NTAN1: variants seen among roughly 807,000 people sequenced by gnomAD.
NTAN1 encodes N-terminal asparagine amidase.
A neutral mutation model predicts 41.9 loss-of-function variants in NTAN1; 32 were observed. The observed-to-expected ratio is 0.76, with a 90% CI of 0.58 to 1.03. The LOEUF is 1.03. NTAN1 is among the 50% of genes least tolerant of loss of function. The pLI is 0.00. For synonymous variants in NTAN1, 140 were observed against 139.5 expected (o/e 1.00, Z -0.03); for missense variants, 377 against 377.5 (o/e 1.00, Z 0.01).
In NTAN1 at chr16:15,056,016, C is replaced by A. The variant is rs902013703; in HGVS notation, c.-45G>T. The A allele has an allele frequency of 1.0e-5, 11 of 1,059,990 alleles. No individual in the cohort carries two copies. Among genetic ancestry groups the A allele is most frequent in the Non-Finnish European group, 1.3e-5 (11 of 847,696 alleles). 65.7% of individuals were successfully genotyped at this position (1,059,990 alleles called of 1,614,324 possible). On this transcript the variant is annotated 5_prime_UTR_variant, in exon 1 of 10. Transcript: ENST00000287706. ...GCAGGCCCAGGGAGGCGGCGGCCCC[C>A]CGCTTTGCAGCCCCGGGCCGCCCGC... is the stretch of plus-strand genomic sequence containing the variant.
intron 1 of NTAN1, among the ~76,000 whole-genome samples, chr16:15,050,992 A>G (rs952782540): frequency 4.6e-5 from 7 of 152,178 alleles, no homozygotes; most frequent in African/African-American, 1.7e-4. Flanking sequence ...AAAACTCAGA[A>G]CACCTGTACA....
intron 3 of NTAN1, 48 bp from the exon 4 acceptor site, chr16:15,047,598 C>T (rs1370174732): frequency 1.5e-6 from 2 of 1,356,306 alleles, no homozygotes; most frequent in Non-Finnish European, 2.1e-6. Flanking sequence ...GATGCGAGTG[C>T]AGTGCGCAGG....
At chr16:15,040,267 G>A (rs970167045) in intron 7 of NTAN1, 53 of 436,636 alleles carry the variant, frequency 1.2e-4, no homozygotes, top group African/African-American at 1.0e-3. Flanking sequence ...GCTGAGGCTC[G>A]AGCTGGACTC....
At chr16:15,046,814 G>A (rs1017497856) in intron 4 of NTAN1, among the ~76,000 whole-genome samples, 5 of 151,256 alleles carry the variant, frequency 3.3e-5, no homozygotes, top group African/African-American at 9.7e-5. Flanking sequence ...AGTCAAGGCT[G>A]CAGTAAGCTG....
At chr16:15,040,993 C>T (rs112741639) in intron 7 of NTAN1, 75 bp downstream of exon 7, 9 of 982,950 alleles carry the variant, frequency 9.2e-6, no homozygotes, top group South Asian at 2.6e-5. Context: ...GCAGTGGGGT[C>T]ATTGGTTTGC....
intron 3 of NTAN1, 93 bp from the exon 4 acceptor site, chr16:15,047,643 CT>C: frequency 9.8e-7 from 1 of 1,015,844 alleles, no homozygotes; most frequent in South Asian, 1.3e-5. Flanking sequence ...ACCGCCTCAT[CT>C]TTGAATATCC....
intron 1 of NTAN1, among the ~76,000 whole-genome samples, chr16:15,052,910 C>CAAA (rs1392801021): frequency 1.3e-5 from 2 of 152,066 alleles, no homozygotes; most frequent in African/African-American, 4.8e-5. Context: ...AACCGTATTA[C>CAAA]CCAAGATGTT....
intron 1 of NTAN1, among the ~76,000 whole-genome samples, chr16:15,050,209 T>C (rs905155629): frequency 6.6e-6 from 1 of 152,026 alleles, no homozygotes; most frequent in Non-Finnish European, 1.5e-5. Context: ...AATTCAGTGG[T>C]TATTTAACAA....
chr16:15,041,147 C>A (rs761500432), intron 6 of NTAN1, 26 bp from the exon 7 acceptor site: 2 of 1,393,870 alleles, frequency 1.4e-6, no homozygotes, highest in African/African-American at 1.4e-5. Flanking sequence ...GTTTAAGATA[C>A]ACTTTTTAAA....
intron 8 of NTAN1, 113 bp downstream of exon 8, chr16:15,039,856 C>G: frequency 1.5e-6 from 1 of 676,902 alleles, no homozygotes; most frequent in South Asian, 1.7e-5. Flanking sequence ...TGATAATGTA[C>G]GGCTATAAAG....
chr16:15,050,014 A>C (rs1049667423), intron 1 of NTAN1, among the ~76,000 whole-genome samples: 2 of 152,188 alleles, frequency 1.3e-5, no homozygotes, highest in Admixed American at 1.3e-4. Flanking sequence ...AAAAGCAAAC[A>C]TGAGTGATTT....
intron 8 of NTAN1, among the ~76,000 whole-genome samples, chr16:15,039,046 T>TC (rs1393733338): frequency 2.6e-5 from 4 of 152,160 alleles, no homozygotes; most frequent in African/African-American, 7.2e-5. Context: ...AAGTCTGTGT[T>TC]CCCATTGCCT....
At chr16:15,040,221 A>AG in intron 7 of NTAN1, 155 bp from the exon 8 acceptor site, 1 of 443,192 alleles carries the variant, frequency 2.3e-6, no homozygotes, top group South Asian at 5.6e-5. Flanking sequence ...GGAGGGGGAA[A>AG]ATGCAACCTT....
chr16:15,046,842 T>A (rs1597793558), intron 4 of NTAN1, among the ~76,000 whole-genome samples: 1 of 150,862 alleles, frequency 6.6e-6, no homozygotes, highest in Non-Finnish European at 1.5e-5. Flanking sequence ...ACAACTGTGC[T>A]CCAGACAGGG....
Position 15,038,057 on chromosome 16 carries a change from CCCACAAG to C in NTAN1, c.900_906del (p.Leu301LysfsTer57). On this transcript the variant is annotated frameshift_variant, in exon 10 of 10. Coordinates refer to ENST00000287706, the MANE Select transcript of NTAN1 (RefSeq NM_173474.4). LOFTEE classifies it high-confidence loss of function. ...TAACTTCCTGGAGAAGAGATCTTTT[CCCACAAG>C]CCATCTTCATTTTTTTTGTAGAGTA... 1 of 1,612,554 alleles carries C rather than the reference CCCACAAG, an allele frequency of 6.2e-7. No individual in the cohort carries two copies. The highest frequency in any genetic ancestry group is 8.5e-7 in the Non-Finnish European group (1 of 1,179,488).
chr16:15,052,924 G>GGACTGGTTACCGAGTACCCAGT (rs1237371865), intron 1 of NTAN1, among the ~76,000 whole-genome samples: 1 of 152,156 alleles, frequency 6.6e-6, no homozygotes, highest in Non-Finnish European at 1.5e-5. Flanking sequence ...AGATGTTGCA[G>GGACTGGTTACCGAGTACCCAGT]GACTGGTTAC....
intron 1 of NTAN1, among the ~76,000 whole-genome samples, chr16:15,054,152 C>T (rs1382002456): frequency 6.6e-6 from 1 of 152,202 alleles, no homozygotes; most frequent in African/African-American, 2.4e-5. Context: ...GCGGCTTGCC[C>T]AGCTGCGATG....
Position 15,039,992 on chromosome 16 carries a change from C to A in NTAN1, c.616G>T (p.Ala206Ser). ...DRGPEEQLRA[A>S]RTLAGGPMIS... is the part of the protein sequence containing the mutation. The stretch of plus-strand genomic sequence containing the variant: ...ACTGGTCCTCCTGCTAAAGTTCGCG[C>A]AGCACGAAGCTGCTCCTCCGGACCC... Residue 206 changes from alanine to serine, a missense_variant, in exon 8 of 10, where the codon GCG (alanine) becomes TCG (serine). Coordinates refer to ENST00000287706, the MANE Select transcript of NTAN1 (RefSeq NM_173474.4). 6.2e-7 allele frequency: 1 copy of A among 1,607,812 alleles called. No individual in the cohort carries two copies. The highest frequency in any genetic ancestry group is 8.5e-7 in the Non-Finnish European group (1 of 1,175,000).
intron 1 of NTAN1, among the ~76,000 whole-genome samples, chr16:15,052,539 A>G (rs984300997): frequency 6.6e-6 from 1 of 152,200 alleles, no homozygotes; most frequent in African/African-American, 2.4e-5. Flanking sequence ...ACAATGCTAT[A>G]TAAGAAATTA....
Sources: allele counts gnomAD v4.1 joint callset (sites outside exome capture counted in the v4.1 genomes callset), GRCh38; gene constraint gnomAD v4.1.1; transcripts MANE v1.5; gene names NCBI Gene and HGNC (gene_info 2026-07-23, HGNC 2026-07-21).